SLC25A29: variants seen among roughly 807,000 people sequenced by gnomAD.
The protein encoded by SLC25A29 is solute carrier family 25 member 29, also known as mitochondrial basic amino acids transporter.
SLC25A29 carries 13 observed loss-of-function variants against 10.0 expected under a neutral mutation model. The ratio of observed to expected loss-of-function variants is 1.30; its 90% CI spans 0.85 to 2.07. The LOEUF (loss-of-function observed/expected upper bound fraction) is 2.07. Among genes scored for constraint, SLC25A29 ranks in the 30% most tolerant of loss-of-function variants. SLC25A29 has a pLI of 0.00. For missense variants in SLC25A29, 475 were observed against 447.6 expected (o/e 1.06, Z -0.55); for synonymous variants, 244 against 221.1 (o/e 1.10, Z -0.92).
intron 2 of SLC25A29, chr14:100,294,796 ATGTTT>A (rs1433797373): frequency 6.6e-6 from 1 of 152,218 alleles, no homozygotes; most frequent in Non-Finnish European, 1.5e-5. Flanking sequence ...CTTATAAAAA[ATGTTT>A]TGTTAGGAAA....
At chr14:100,299,344 A>G in intron 1 of SLC25A29, 1 of 1,018,564 alleles carries the variant, frequency 9.8e-7, no homozygotes, top group Non-Finnish European at 1.2e-6. Context: ...GTGCTCACAA[A>G]TGACTCTGTC....
chr14:100,294,894 G>A (rs1892032620), intron 2 of SLC25A29: 1 of 152,156 alleles, frequency 6.6e-6, no homozygotes, highest in Non-Finnish European at 1.5e-5. Flanking sequence ...TCCCACCCTG[G>A]AGGCCCAGTT....
At chr14:100,301,048 C>T (rs569368102) in intron 1 of SLC25A29, among the ~76,000 whole-genome samples, 14 of 151,984 alleles carry the variant, frequency 9.2e-5, no homozygotes, top group African/African-American at 2.9e-4. Context: ...TACAGGCGCC[C>T]GCCACCACAC....
At chr14:100,299,313 C>T (rs2139755292) in intron 1 of SLC25A29, 1 of 1,027,746 alleles carries the variant, frequency 9.7e-7, no homozygotes, top group Admixed American at 5.1e-5. Context: ...GAATTTTCCC[C>T]CTGCCGCTCA....
At chr14:100,294,183 C>T (rs547690020) in intron 2 of SLC25A29, 2 of 152,338 alleles carry the variant, frequency 1.3e-5, no homozygotes, top group South Asian at 4.1e-4. Flanking sequence ...AGTAGCCTCT[C>T]GTGAGAACAG....
At chr14:100,285,573 C>G in the SLC25A29 span, among the ~76,000 whole-genome samples, 1 of 152,056 alleles carries the variant, frequency 6.6e-6, no homozygotes, top group Non-Finnish European at 1.5e-5. Context: ...CCGCGAGCCG[C>G]CGCCGCTTAC....
At chr14:100,299,451 G>C in intron 1 of SLC25A29, 5 of 989,568 alleles carry the variant, frequency 5.1e-6, no homozygotes, top group Non-Finnish European at 6.0e-6. Context: ...TGGGAGTGAC[G>C]ACCCCAGGTC....
intron 2 of SLC25A29, chr14:100,295,875 C>A: frequency 7.8e-7 from 1 of 1,289,726 alleles, no homozygotes; most frequent in Middle Eastern, 2.1e-4. Context: ...TCCAAGGAAG[C>A]AGGACAGAAA....
intron 1 of SLC25A29, among the ~76,000 whole-genome samples, chr14:100,301,038 T>C (rs1005930885): frequency 1.3e-5 from 2 of 151,960 alleles, no homozygotes; most frequent in African/African-American, 4.8e-5. Context: ...TAGCTGGGAC[T>C]ACAGGCGCCC....
At chr14:100,300,830 A>T (rs951794028) in intron 1 of SLC25A29, among the ~76,000 whole-genome samples, 1 of 152,168 alleles carries the variant, frequency 6.6e-6, no homozygotes, top group African/African-American at 2.4e-5. Flanking sequence ...TTTTATGTAA[A>T]TGGTTTATTT....
At chr14:100,282,489 C>G in the SLC25A29 span, 3 of 152,280 alleles carry the variant, frequency 2.0e-5, no homozygotes, top group East Asian at 5.8e-4. Context: ...CTATTATCAA[C>G]AGGTGGTGAG....
downstream of SLC25A29, among the ~76,000 whole-genome samples, chr14:100,289,639 T>C (rs1225257942): frequency 1.3e-5 from 2 of 151,854 alleles, no homozygotes; most frequent in Admixed American, 1.3e-4. Context: ...GGTCAGGAGT[T>C]TGAGACCAGC....
chr14:100,280,321 G>A, the SLC25A29 span: 14 of 152,222 alleles, frequency 9.2e-5, 1 homozygote, highest in South Asian at 1.0e-3. Flanking sequence ...ACATATTTTC[G>A]TACATCTGAG....
chr14:100,304,643 G>T (rs1330276437), intron 1 of SLC25A29, among the ~76,000 whole-genome samples: 2 of 152,210 alleles, frequency 1.3e-5, no homozygotes, highest in East Asian at 1.9e-4. Flanking sequence ...ACCTGGGGCA[G>T]GGGGCATGGA....
downstream of SLC25A29, among the ~76,000 whole-genome samples, chr14:100,287,633 C>CCG (rs1245832112): frequency 8.8e-5 from 9 of 101,746 alleles, no homozygotes; most frequent in African/African-American, 2.8e-4. Flanking sequence ...GCACCACCCC[C>CCG]CCCCTCCGAA....
At chr14:100,282,934 A>G in the SLC25A29 span, 2 of 152,184 alleles carry the variant, frequency 1.3e-5, no homozygotes, top group African/African-American at 4.8e-5. Context: ...GCTTTCTCAC[A>G]CACAGGACTG....
In SLC25A29 at chr14:100,297,674, C is replaced by T. The variant is rs576741738; in HGVS notation, c.78+1168G>A. 9.8e-5 allele frequency among the ~76,000 whole-genome samples: 15 copies of T among 152,352 alleles called. No homozygotes were observed. In the South Asian group the frequency reaches 2.7e-3, roughly 27 times the overall value. Reference sequence around the variant, plus strand: ...GGCAGGCTCTGCACGGCCTCACTCTCGGCAGGCCGGTGCAGCAAACGTGGG... The same window carrying T: ...GGCAGGCTCTGCACGGCCTCACTCTTGGCAGGCCGGTGCAGCAAACGTGGG... On this transcript the variant is annotated intron_variant, in intron 2 of 3. Transcript: ENST00000359232.
chr14:100,292,052 G>A lies in SLC25A29; in HGVS notation c.*231C>T. 1 of 549,494 alleles carries A rather than the reference G, an allele frequency of 1.8e-6. No individual in the cohort carries two copies. The highest frequency in any genetic ancestry group is 3.2e-6 in the Non-Finnish European group (1 of 313,178). The allele number at this position is 549,494 out of a possible 1,614,324, so 34.0% of individuals were successfully genotyped here. Reference sequence around the variant, plus strand: ...GGCTGCTGCTGGGAATAATCTCTGAGCTTCGTGACTCTACAGTGTGGGCAT... The same window carrying A: ...GGCTGCTGCTGGGAATAATCTCTGAACTTCGTGACTCTACAGTGTGGGCAT... On this transcript the variant is annotated 3_prime_UTR_variant, in exon 4 of 4. Coordinates refer to ENST00000359232, the MANE Select transcript of SLC25A29 (RefSeq NM_001039355.3).
rs571520821 is a variant in SLC25A29 at position 100,301,573 on chromosome 14, G to A, written c.35-2688C>T. ...GACCTAGGCTGGAGTGCAGTGGCAC[G>A]ATCTCGACTCACTGCAAGCTCTGCC... On this transcript the variant is annotated intron_variant, in intron 1 of 3. Coordinates refer to ENST00000359232, the MANE Select transcript of SLC25A29 (RefSeq NM_001039355.3). 5.9e-5 allele frequency among the ~76,000 whole-genome samples: 9 copies of A among 152,018 alleles called. No individual in the cohort carries two copies. The South Asian group carries it at 1.9e-3, about 32-fold the overall frequency.
Sources: allele counts gnomAD v4.1 joint callset (sites outside exome capture counted in the v4.1 genomes callset), GRCh38; gene constraint gnomAD v4.1.1; transcripts MANE v1.5; gene names NCBI Gene and HGNC (gene_info 2026-07-23, HGNC 2026-07-21).